DOCK1: variants seen among roughly 807,000 people sequenced by gnomAD.
DOCK1 encodes the protein dedicator of cytokinesis protein 1.
In DOCK1, 138 loss-of-function variants were observed where a neutral mutation model predicts 262.7. That is an observed-to-expected ratio of 0.53 (90% CI 0.46 to 0.61). The LOEUF is 0.61. DOCK1 is among the 20% of genes least tolerant of loss of function. The pLI, the probability that DOCK1 is intolerant of heterozygous loss-of-function variation, is 0.00. For synonymous variants in DOCK1, 866 were observed against 867.4 expected, an observed-to-expected ratio of 1.00 and a Z score of 0.03; for missense variants, 1,908 against 2,370.7, an observed-to-expected ratio of 0.80 and a Z score of 4.05.
At chr10:127,118,276 TC>T (rs2049314522) in intron 25 of DOCK1, among the ~76,000 whole-genome samples, 1 of 152,104 alleles carries the variant, frequency 6.6e-6, no homozygotes, top group Admixed American at 6.6e-5. Flanking sequence ...AAAACAGACT[TC>T]CTGCCTGACC....
intron 27 of DOCK1, chr10:127,137,940 A>G (rs895983871): frequency 6.2e-7 from 1 of 1,614,004 alleles, no homozygotes; most frequent in African/African-American, 1.3e-5. Flanking sequence ...CGAAGGTATG[A>G]CCTGAGTTTC....
intron 29 of DOCK1, among the ~76,000 whole-genome samples, chr10:127,301,945 CAAAA>C (rs532284873): frequency 1.1e-5 from 1 of 89,442 alleles, no homozygotes. Context: ...GACTCCATCT[CAAAA>C]AAAAAAAAAA....
chr10:127,328,062 A>T (rs1451400707), intron 29 of DOCK1, among the ~76,000 whole-genome samples: 3 of 151,094 alleles, frequency 2.0e-5, no homozygotes, highest in Admixed American at 6.6e-5. Context: ...AGAATGGGAA[A>T]ATGTGGACAA....
chr10:127,401,377 C>A (rs1388760570), intron 38 of DOCK1, among the ~76,000 whole-genome samples: 1 of 152,154 alleles, frequency 6.6e-6, no homozygotes, highest in African/African-American at 2.4e-5. Context: ...AGTTTCAGAG[C>A]AGGAGTGAAA....
At chr10:127,148,251 TTGTG>T (rs1247221928) in intron 27 of DOCK1, among the ~76,000 whole-genome samples, 2 of 152,076 alleles carry the variant, frequency 1.3e-5, no homozygotes, top group African/African-American at 4.8e-5. Flanking sequence ...TGAGGCCACT[TTGTG>T]TGGTGGCTGT....
intron 27 of DOCK1, among the ~76,000 whole-genome samples, chr10:127,205,702 G>T (rs1316736323): frequency 6.6e-6 from 1 of 152,168 alleles, no homozygotes; most frequent in African/African-American, 2.4e-5. Flanking sequence ...TTGCTGAAGT[G>T]CAATCAGCTT....
At chr10:127,362,985 A>C (rs58757446) in intron 33 of DOCK1, among the ~76,000 whole-genome samples, 1 of 44,260 alleles carries the variant, frequency 2.3e-5, no homozygotes, top group Non-Finnish European at 4.3e-5. Context: ...ACACATACAC[A>C]TCCCCCCCCA....
chr10:127,310,603 A>G (rs1049875739), intron 29 of DOCK1, among the ~76,000 whole-genome samples: 1 of 152,228 alleles, frequency 6.6e-6, no homozygotes, highest in Admixed American at 6.5e-5. Flanking sequence ...CTGTTCTCGT[A>G]AAAGCGTTCT....
chr10:127,262,234 GTGCTCATC>G (rs2060198137), intron 29 of DOCK1, among the ~76,000 whole-genome samples: 2 of 146,356 alleles, frequency 1.4e-5, no homozygotes, highest in African/African-American at 5.1e-5. Flanking sequence ...GTGTGTACCC[GTGCTCATC>G]TGTGTGTGTA....
chr10:127,335,940 T>A (rs1458446926), intron 29 of DOCK1, among the ~76,000 whole-genome samples: 1 of 151,772 alleles, frequency 6.6e-6, no homozygotes, highest in Non-Finnish European at 1.5e-5. Flanking sequence ...ATGGTTTCGA[T>A]CTCCTGACCT....
intron 25 of DOCK1, among the ~76,000 whole-genome samples, chr10:127,113,841 C>G (rs2049013557): frequency 6.6e-6 from 1 of 152,144 alleles, no homozygotes; most frequent in African/African-American, 2.4e-5. Context: ...TCCAGGCCCT[C>G]AAGGATTAGA....
At chr10:127,426,945 G>T (rs1236172135) in intron 47 of DOCK1, among the ~76,000 whole-genome samples, 1 of 152,214 alleles carries the variant, frequency 6.6e-6, no homozygotes, top group African/African-American at 2.4e-5. Context: ...CTTAGCAGAT[G>T]TGGGAGCAAA....
At chr10:127,249,464 C>G (rs1460738174) in intron 28 of DOCK1, among the ~76,000 whole-genome samples, 1 of 145,082 alleles carries the variant, frequency 6.9e-6, no homozygotes, top group Non-Finnish European at 1.5e-5. Context: ...CACACACACG[C>G]AGTCGTGTGT....
intron 1 of DOCK1, among the ~76,000 whole-genome samples, chr10:126,947,152 A>T (rs1316041329): frequency 1.3e-5 from 2 of 152,202 alleles, no homozygotes; most frequent in African/African-American, 4.8e-5. Context: ...TTGATATGGG[A>T]TGATGTGGTA....
intron 25 of DOCK1, among the ~76,000 whole-genome samples, chr10:127,116,218 A>G (rs2049170741): frequency 1.3e-5 from 2 of 152,310 alleles, no homozygotes; most frequent in South Asian, 2.1e-4. Context: ...TCCCTTCACT[A>G]TAGCAAACAG....
intron 27 of DOCK1, among the ~76,000 whole-genome samples, chr10:127,130,982 C>A (rs548538510): frequency 4.6e-5 from 7 of 152,254 alleles, no homozygotes; most frequent in African/African-American, 1.4e-4. Flanking sequence ...CATGTCGTAT[C>A]CATGGTCCAA....
At chr10:127,054,450 T>C (rs548555403) in intron 22 of DOCK1, among the ~76,000 whole-genome samples, 63 of 152,354 alleles carry the variant, frequency 4.1e-4, no homozygotes, top group African/African-American at 1.4e-3. Flanking sequence ...CTCTTTTATT[T>C]TGCTTATTAT....
At chr10:127,051,646 G>A (rs184435351) in intron 21 of DOCK1, among the ~76,000 whole-genome samples, 5 of 152,034 alleles carry the variant, frequency 3.3e-5, no homozygotes, top group African/African-American at 9.7e-5. Flanking sequence ...GCAGTAGCGC[G>A]ATCTTGGCTC....
chr10:127,408,648 G>T (rs1180857986), intron 40 of DOCK1, among the ~76,000 whole-genome samples: 1 of 152,188 alleles, frequency 6.6e-6, no homozygotes, highest in Non-Finnish European at 1.5e-5. Flanking sequence ...ACAAGAAAAA[G>T]TGTGGACATC....
Sources: allele counts gnomAD v4.1 joint callset (sites outside exome capture counted in the v4.1 genomes callset), GRCh38; gene constraint gnomAD v4.1.1; transcripts MANE v1.5; gene names NCBI Gene and HGNC (gene_info 2026-07-23, HGNC 2026-07-21).